SPOCK1: variants seen among roughly 807,000 people sequenced by gnomAD.
The protein encoded by SPOCK1 is SPARC (osteonectin), cwcv and kazal like domains proteoglycan 1.
SPOCK1 carries 23 observed loss-of-function variants against 55.3 expected under a neutral mutation model. The ratio of observed to expected loss-of-function variants is 0.42; its 90% confidence interval spans 0.30 to 0.59. The LOEUF is 0.59. SPOCK1 is among the 20% of genes least tolerant of loss of function. The pLI is 0.22. For missense variants in SPOCK1, 499 were observed against 552.5 expected (o/e 0.90, Z 0.97); for synonymous variants, 226 against 221.0 (o/e 1.02, Z -0.20).
intron 6 of SPOCK1, among the ~76,000 whole-genome samples, chr5:137,017,401 T>A (rs188147759): frequency 5.8e-4 from 88 of 152,312 alleles, no homozygotes; most frequent in Non-Finnish European, 1.0e-3. Flanking sequence ...TAAAAAGTCA[T>A]AAAAGAAAAC....
intron 2 of SPOCK1, among the ~76,000 whole-genome samples, chr5:137,403,800 T>A (rs1317418419): frequency 6.6e-6 from 1 of 151,640 alleles, no homozygotes; most frequent in African/African-American, 2.4e-5. Flanking sequence ...GAGATCAGCT[T>A]GGAGGGGTAA....
intron 2 of SPOCK1, among the ~76,000 whole-genome samples, chr5:137,351,362 T>A (rs1417992129): frequency 6.6e-6 from 1 of 152,208 alleles, no homozygotes; most frequent in Non-Finnish European, 1.5e-5. Context: ...TCTTGCTAGG[T>A]GGTTGTATCA....
intron 2 of SPOCK1, among the ~76,000 whole-genome samples, chr5:137,340,378 A>G (rs1580874807): frequency 6.6e-6 from 1 of 152,204 alleles, no homozygotes; most frequent in Non-Finnish European, 1.5e-5. Flanking sequence ...AATTAGTGCC[A>G]CACTCTGAGG....
chr5:137,323,594 T>A (rs1370149514), intron 2 of SPOCK1, among the ~76,000 whole-genome samples: 1 of 152,046 alleles, frequency 6.6e-6, no homozygotes, highest in East Asian at 1.9e-4. Context: ...TAGAAGGGAT[T>A]AATATCCAAA....
At chr5:137,069,370 G>A (rs571448044) in intron 5 of SPOCK1, among the ~76,000 whole-genome samples, 4 of 152,340 alleles carry the variant, frequency 2.6e-5, no homozygotes, top group South Asian at 2.1e-4. Flanking sequence ...TGCCTAGTAC[G>A]TGCCCAGCAT....
chr5:137,014,731 C>A (rs1175004994), intron 6 of SPOCK1, among the ~76,000 whole-genome samples: 2 of 152,190 alleles, frequency 1.3e-5, no homozygotes, highest in Non-Finnish European at 2.9e-5. Context: ...AATTTTCTAT[C>A]TCAAGGGATA....
intron 2 of SPOCK1, among the ~76,000 whole-genome samples, chr5:137,309,976 C>T (rs147155628): frequency 3.3e-5 from 5 of 152,058 alleles, no homozygotes; most frequent in East Asian, 1.9e-4. Flanking sequence ...ATCTAGTTAC[C>T]GAGGAACCTT....
chr5:137,044,539 G>C (rs1364454472), intron 6 of SPOCK1, among the ~76,000 whole-genome samples: 3 of 152,164 alleles, frequency 2.0e-5, no homozygotes, highest in African/African-American at 7.2e-5. Context: ...TTAAGATGGA[G>C]ATCATAGTCC....
chr5:137,175,731 A>G (rs1754840486), intron 3 of SPOCK1, among the ~76,000 whole-genome samples: 1 of 152,198 alleles, frequency 6.6e-6, no homozygotes, highest in South Asian at 2.1e-4. Flanking sequence ...CAATCCATGT[A>G]AAGTGTTTTG....
intron 2 of SPOCK1, among the ~76,000 whole-genome samples, chr5:137,419,344 A>C (rs560610301): frequency 6.6e-6 from 1 of 152,104 alleles, no homozygotes; most frequent in South Asian, 2.1e-4. Flanking sequence ...GAAGAAAGTC[A>C]TTGGTAGCTT....
At chr5:137,352,439 C>T (rs765128735) in intron 2 of SPOCK1, among the ~76,000 whole-genome samples, 1 of 152,204 alleles carries the variant, frequency 6.6e-6, no homozygotes, top group Non-Finnish European at 1.5e-5. Flanking sequence ...CTGAGGATGC[C>T]GCATTCTTGG....
chr5:137,099,515 G>A (rs558399094), intron 5 of SPOCK1, among the ~76,000 whole-genome samples: 1 of 151,922 alleles, frequency 6.6e-6, no homozygotes, highest in South Asian at 2.1e-4. Flanking sequence ...AGTCCAAGCT[G>A]AAACAGGCAA....
At chr5:137,305,674 C>T (rs994909804) in intron 2 of SPOCK1, among the ~76,000 whole-genome samples, 3 of 152,202 alleles carry the variant, frequency 2.0e-5, no homozygotes, top group African/African-American at 4.8e-5. Flanking sequence ...AAAAACACGC[C>T]TTCTCATTTA....
chr5:137,475,869 C>T (rs373298451), intron 2 of SPOCK1, among the ~76,000 whole-genome samples: 1 of 152,036 alleles, frequency 6.6e-6, no homozygotes, highest in Non-Finnish European at 1.5e-5. Flanking sequence ...CCACCAAACT[C>T]GGCCTAAAGG....
At chr5:137,302,030 T>C (rs1330035308) in intron 2 of SPOCK1, among the ~76,000 whole-genome samples, 1 of 152,186 alleles carries the variant, frequency 6.6e-6, no homozygotes, top group African/African-American at 2.4e-5. Flanking sequence ...AAATTGGTTC[T>C]TGAAGAGGCA....
chr5:136,997,813 C>T (rs948299843), intron 6 of SPOCK1, among the ~76,000 whole-genome samples: 14 of 152,282 alleles, frequency 9.2e-5, no homozygotes, highest in African/African-American at 3.1e-4. Context: ...GCATTCATAA[C>T]ACCCATCTCG....
chr5:137,371,966 G>A (rs1410994594), intron 2 of SPOCK1, among the ~76,000 whole-genome samples: 10 of 152,170 alleles, frequency 6.6e-5, no homozygotes, highest in South Asian at 4.2e-4. Context: ...AATTTCTGGC[G>A]GTCACACTAA....
At chr5:137,422,946 C>T (rs967004438) in intron 2 of SPOCK1, among the ~76,000 whole-genome samples, 9 of 152,142 alleles carry the variant, frequency 5.9e-5, no homozygotes, top group African/African-American at 1.7e-4. Context: ...ATGATGGTGA[C>T]GTACAGATGG....
At chr5:137,198,434 G>A (rs948099026) in intron 3 of SPOCK1, among the ~76,000 whole-genome samples, 4 of 152,122 alleles carry the variant, frequency 2.6e-5, no homozygotes, top group Admixed American at 6.5e-5. Context: ...CCATATTGAC[G>A]GGCTGGATAA....
Sources: gnomAD v4.1 joint callset for allele counts (sites outside exome capture counted in the v4.1 genomes callset) on GRCh38, gnomAD v4.1.1 for gene constraint, MANE v1.5 for transcripts, NCBI Gene and HGNC (gene_info 2026-07-23, HGNC 2026-07-21) for gene names.